MDGA2: variants seen among roughly 807,000 people sequenced by gnomAD.
The protein encoded by MDGA2 is MAM domain containing glycosylphosphatidylinositol anchor 2.
Under a neutral mutation model 117.8 loss-of-function variants are expected in MDGA2, and 40 were observed. The observed-to-expected ratio is 0.34, with a 90% confidence interval of 0.26 to 0.44. MDGA2 has a LOEUF of 0.44. MDGA2 is among the 20% of genes least tolerant of loss of function. MDGA2 has a pLI of 1.00. For missense variants in MDGA2, 1,123 were observed against 1,250.6 expected (o/e 0.90, Z 1.54); for synonymous variants, 452 against 439.0 (o/e 1.03, Z -0.37).
intron 2 of MDGA2, among the ~76,000 whole-genome samples, chr14:47,238,250 A>C (rs1284583835): frequency 6.6e-6 from 1 of 152,208 alleles, no homozygotes; most frequent in African/African-American, 2.4e-5. Flanking sequence ...CCAATATCAG[A>C]AATCAGAACA....
In MDGA2 at chr14:47,172,427, G is replaced by A. The variant is rs545034753; in HGVS notation, c.596-28153C>T. Among the ~76,000 whole-genome samples, 135 of 151,348 alleles carry A rather than the reference G, an allele frequency of 8.9e-4. 1 individual carries two copies. Among genetic ancestry groups the A allele is most frequent in the African/African-American group, 3.2e-3 (132 of 41,292 alleles). ...TAGGGGCAGACTGACACCTCACACG[G>A]CCGGGTACTCCTCTGAGACAAAACT... On this transcript the variant is annotated intron_variant, in intron 3 of 16. Transcript: ENST00000399232.
At chr14:47,368,141 G>C (rs1236744284) in intron 1 of MDGA2, among the ~76,000 whole-genome samples, 1 of 151,978 alleles carries the variant, frequency 6.6e-6, no homozygotes, top group Non-Finnish European at 1.5e-5. Flanking sequence ...AATTAGCCGG[G>C]AGTGGTGGCT....
chr14:47,120,745 G>C (rs1472813415), intron 5 of MDGA2, among the ~76,000 whole-genome samples: 1 of 152,136 alleles, frequency 6.6e-6, no homozygotes, highest in Non-Finnish European at 1.5e-5. Context: ...TACTTGACCT[G>C]TTCACTATTT....
intron 2 of MDGA2, among the ~76,000 whole-genome samples, chr14:47,229,856 G>T (rs952493775): frequency 4.6e-4 from 70 of 151,934 alleles, no homozygotes; most frequent in African/African-American, 1.7e-3. Context: ...AATAAATACA[G>T]GAGGATATTC....
chr14:46,931,574 T>C (rs1187082819), intron 9 of MDGA2, among the ~76,000 whole-genome samples: 3 of 146,780 alleles, frequency 2.0e-5, no homozygotes, highest in East Asian at 4.0e-4. Context: ...CCAGGCTGGA[T>C]TGCAGTGGTG....
rs552715375 is a variant in MDGA2, at chr14:47,618,755, A to G, written c.280+55762T>C. Among the ~76,000 whole-genome samples the G allele has an allele frequency of 7.2e-5, 11 of 152,348 alleles. No individual in the cohort carries two copies. The East Asian group carries it at 1.9e-3, about 27-fold the overall frequency. On this transcript the variant is annotated intron_variant, in intron 1 of 16. Coordinates refer to ENST00000399232, the MANE Select transcript of MDGA2 (RefSeq NM_001113498.3). ...ACGAAATTAGATTGAGTTTAAAAGC[A>G]AAAACAAAAAAACTAAGCCATGATG...
chr14:46,992,011 T>C (rs1363118229), intron 8 of MDGA2, among the ~76,000 whole-genome samples: 1 of 152,082 alleles, frequency 6.6e-6, no homozygotes, highest in Non-Finnish European at 1.5e-5. Context: ...AGGAGGAGAA[T>C]AATGGCTTCC....
At chr14:47,279,149 A>T (rs924563047) in intron 2 of MDGA2, among the ~76,000 whole-genome samples, 4 of 152,134 alleles carry the variant, frequency 2.6e-5, no homozygotes, top group African/African-American at 9.7e-5. Flanking sequence ...TGTGGTCAAA[A>T]TCTAGGTGCA....
At chr14:46,917,649 AG>A (rs11350152) in intron 10 of MDGA2, among the ~76,000 whole-genome samples, 5,563 of 152,282 alleles carry the variant, frequency 0.037, 360 homozygotes, top group African/African-American at 0.13. Flanking sequence ...GAGGAAGAGT[AG>A]GAGAAAATTC....
At chr14:47,073,363 G>A (rs1890364268) in intron 6 of MDGA2, among the ~76,000 whole-genome samples, 1 of 152,170 alleles carries the variant, frequency 6.6e-6, no homozygotes, top group African/African-American at 2.4e-5. Context: ...GCAGTGTAAT[G>A]TTGTACGGTT....
intron 1 of MDGA2, among the ~76,000 whole-genome samples, chr14:47,354,549 G>A (rs1890951330): frequency 1.3e-5 from 2 of 152,198 alleles, no homozygotes; most frequent in African/African-American, 4.8e-5. Context: ...AACTGTGCCT[G>A]TGCTGCCGCT....
At position 46,884,059 on chromosome 14, in the gene MDGA2, T is replaced by A. The variant is rs1882570766; in HGVS notation, c.2239-1838A>T. 6.6e-6 allele frequency among the ~76,000 whole-genome samples: 1 copy of A among 152,114 alleles called. No individual in the cohort carries two copies. Among genetic ancestry groups the A allele is most frequent in the African/African-American group, 2.4e-5 (1 of 41,448 alleles). On this transcript the variant is annotated intron_variant, in intron 10 of 16. Coordinates refer to ENST00000399232, the MANE Select transcript of MDGA2 (RefSeq NM_001113498.3). The surrounding 1 kb of genome is among the most constrained non-coding windows in gnomAD (Gnocchi z 4.1). ...CTTAAAATTCTATTATTGGGGGTTA[T>A]CTGTGGCCTATGACAAAGACATATT...
At chr14:47,057,590 C>T (rs891350825) in intron 7 of MDGA2, among the ~76,000 whole-genome samples, 2 of 85,408 alleles carry the variant, frequency 2.3e-5, no homozygotes, top group Non-Finnish European at 5.5e-5. Context: ...ACACATGAGG[C>T]CTCTCTTTTC....
At chr14:46,937,721 A>G (rs1239873555) in intron 9 of MDGA2, among the ~76,000 whole-genome samples, 3 of 152,174 alleles carry the variant, frequency 2.0e-5, no homozygotes, top group Non-Finnish European at 4.4e-5. Flanking sequence ...CTGTTCAATA[A>G]TGATGCTAGG....
chr14:47,230,126 A>AAGG (rs1441582934), intron 2 of MDGA2, among the ~76,000 whole-genome samples: 1 of 152,034 alleles, frequency 6.6e-6, no homozygotes, highest in Non-Finnish European at 1.5e-5. Flanking sequence ...AATCTAAATT[A>AAGG]ACAGTATTGC....
rs539795619 is a variant in MDGA2 at position 46,985,727 on chromosome 14, G to A, written c.1820-28084C>T. On this transcript the variant is annotated intron_variant, in intron 8 of 16. Coordinates refer to ENST00000399232, the MANE Select transcript of MDGA2 (RefSeq NM_001113498.3). ...CATTAGTGAGTTGCACATTCAGGACGGTAACATCTACTGATCATGAAAATA... is the reference window on the plus strand; with the variant it reads ...CATTAGTGAGTTGCACATTCAGGACAGTAACATCTACTGATCATGAAAATA... Among the ~76,000 whole-genome samples the A allele has an allele frequency of 6.6e-5, 10 of 152,014 alleles. 1 individual carries two copies. The highest frequency in any genetic ancestry group is 2.1e-4 in the South Asian group (1 of 4,820).
intron 10 of MDGA2, among the ~76,000 whole-genome samples, chr14:46,889,069 A>G (rs1475101568): frequency 1.3e-5 from 2 of 152,024 alleles, no homozygotes; most frequent in African/African-American, 4.8e-5. Context: ...AATCCCAAAT[A>G]AAATGTAACA....
At chr14:47,601,329 G>A (rs940777175) in intron 1 of MDGA2, among the ~76,000 whole-genome samples, 39 of 152,252 alleles carry the variant, frequency 2.6e-4, no homozygotes, top group African/African-American at 8.9e-4. Context: ...TGAGGTGACA[G>A]GCCATGAAGT....
At chr14:47,667,262 G>A (rs961570948) in intron 1 of MDGA2, among the ~76,000 whole-genome samples, 1 of 152,190 alleles carries the variant, frequency 6.6e-6, no homozygotes, top group South Asian at 2.1e-4. Context: ...TCTTCCTCCA[G>A]TATTTTCTTG....
Sources: allele counts gnomAD v4.1 joint callset (sites outside exome capture counted in the v4.1 genomes callset), GRCh38; gene constraint gnomAD v4.1.1; non-coding constraint Gnocchi (gnomAD v3.1); transcripts MANE v1.5; gene names NCBI Gene and HGNC (gene_info 2026-07-23, HGNC 2026-07-21).